The following MYO10 variants were observed in gnomAD, a reference collection of about 807,000 sequenced individuals.
The protein encoded by MYO10 is unconventional myosin-X.
In MYO10, 133 loss-of-function variants were observed where a neutral mutation model predicts 257.3. That is an observed-to-expected ratio of 0.52 (90% confidence interval 0.45 to 0.60). The LOEUF (loss-of-function observed/expected upper bound fraction) is 0.60, where lower values mean the gene tolerates loss of function less well. Among genes scored for constraint, MYO10 ranks in the 20% least tolerant of loss-of-function variants. The probability of loss-of-function intolerance (pLI) is 0.00; values close to 1 mark genes in which losing one functional copy is unlikely to be tolerated. For missense variants in MYO10, 2,399 were observed against 2,635.7 expected, an observed-to-expected ratio of 0.91 and a Z score of 1.97; for synonymous variants, 1,104 against 1,028.6, an observed-to-expected ratio of 1.07 and a Z score of -1.40.
chr5:16,895,740 T>C (rs1290637845), intron 1 of MYO10, among the ~76,000 whole-genome samples: 40 of 118,298 alleles, frequency 3.4e-4, no homozygotes, highest in African/African-American at 9.4e-4. Flanking sequence ...AGCCGCCCCC[T>C]CCCCAACACC....
intron 5 of MYO10, among the ~76,000 whole-genome samples, chr5:16,782,523 G>A (rs759109478): frequency 8.5e-5 from 13 of 152,168 alleles, no homozygotes; most frequent in African/African-American, 1.4e-4. Flanking sequence ...TAATGCCAAC[G>A]CCACTGCGCC....
Position 16,681,921 on chromosome 5 carries a change from T to C in MYO10, c.4139A>G (p.Gln1380Arg), listed in dbSNP as rs755216219. ...CACTCTGGTGTCCCCTTTGGACCTC[T>C]GCAGCAGGGTTATCCAGTGGTGCAT... ...EEMHHWITLL[Q>R]RSKGDTRVEG... Residue 1380 changes from glutamine (Q) to arginine (R), a missense_variant, in exon 31 of 41, where the codon CAG becomes CGG. By Grantham distance (43) the Gln-to-Arg change is conservative (BLOSUM62 1). Around this residue, in one of 3 missense-constraint regions of MYO10, gnomAD observed 1,820 missense variants for 1,939.4 expected, o/e 0.94. Transcript: ENST00000513610. The C allele has an allele frequency of 6.2e-7, 1 of 1,614,006 alleles. No individual in the cohort carries two copies. Among genetic ancestry groups the C allele is most frequent in the East Asian group, 2.2e-5 (1 of 44,862 alleles).
chr5:16,776,847 C>T (rs895499099), intron 9 of MYO10, among the ~76,000 whole-genome samples: 10 of 152,196 alleles, frequency 6.6e-5, no homozygotes, highest in African/African-American at 2.4e-4. Flanking sequence ...GGCCAACAAG[C>T]GAGCTCGCAG....
At chr5:16,833,989 A>G (rs1743233840) in intron 2 of MYO10, among the ~76,000 whole-genome samples, 1 of 152,092 alleles carries the variant, frequency 6.6e-6, no homozygotes, top group Non-Finnish European at 1.5e-5. Flanking sequence ...CAAAATATCA[A>G]TTATTTAATG....
chr5:16,786,818 C>A (rs754215582), intron 4 of MYO10, among the ~76,000 whole-genome samples: 3 of 151,992 alleles, frequency 2.0e-5, no homozygotes, highest in Non-Finnish European at 2.9e-5. Context: ...TTAGAATCAC[C>A]TAATAGGTCC....
At chr5:16,681,278 T>G (rs144271954) in intron 32 of MYO10, 31 bp downstream of exon 32, 1 of 1,581,108 alleles carries the variant, frequency 6.3e-7, no homozygotes, top group Non-Finnish European at 8.6e-7. Context: ...TAAGATTTGA[T>G]GCTCAGGGTT....
intron 1 of MYO10, among the ~76,000 whole-genome samples, chr5:16,910,378 G>A (rs1745627696): frequency 6.6e-6 from 1 of 152,140 alleles, no homozygotes; most frequent in Admixed American, 6.5e-5. Flanking sequence ...ACTTGCCCAA[G>A]TTTGCACAGC....
chr5:16,875,489 T>C lies in MYO10; in HGVS notation c.120+2120A>G, dbSNP rs557147069. Among the ~76,000 whole-genome samples, 3 of 152,318 alleles carry C rather than the reference T, an allele frequency of 2.0e-5. No homozygotes were observed. The South Asian group carries it at 6.2e-4, about 32-fold the overall frequency. The stretch of plus-strand genomic sequence containing the variant: ...CCCGAGACTCTGATGGAGAAGGAAC[T>C]AGACTGGGTGTTGGTGAAGTGTCCA... On this transcript the variant is annotated intron_variant, in intron 2 of 40. Transcript: ENST00000513610.
At position 16,670,508 on chromosome 5, in the gene MYO10, A is replaced by G. The variant is rs1399530945; in HGVS notation, c.5883+18T>C. 3.2e-6 allele frequency: 5 copies of G among 1,580,052 alleles called. No individual in the cohort carries two copies. Among genetic ancestry groups the G allele is most frequent in the Non-Finnish European group, 4.3e-6 (5 of 1,160,326 alleles). On this transcript the variant is annotated intron_variant, in intron 39 of 40. Coordinates refer to ENST00000513610, the MANE Select transcript of MYO10 (RefSeq NM_012334.3). ...GCCAGCACCCAGCCCACCCCAACACACGGCAGCCAGTTCTCACCTCCACAT... is the reference window on the plus strand; with the variant it reads ...GCCAGCACCCAGCCCACCCCAACACGCGGCAGCCAGTTCTCACCTCCACAT...
chr5:16,829,155 C>T (rs1743090816), intron 2 of MYO10, among the ~76,000 whole-genome samples: 1 of 152,120 alleles, frequency 6.6e-6, no homozygotes, highest in East Asian at 1.9e-4. Context: ...AGGAGGGACA[C>T]AGATGCAAGG....
intron 1 of MYO10, among the ~76,000 whole-genome samples, chr5:16,893,633 CAAAAAAAAAAA>C (rs58021066): frequency 1.7e-5 from 1 of 57,218 alleles, no homozygotes; most frequent in Non-Finnish European, 3.7e-5. Context: ...GACTCTGTCT[CAAAAAAAAAAA>C]AAAAAAAAGA....
chr5:16,668,857 C>T (rs1267247111), intron 39 of MYO10, among the ~76,000 whole-genome samples: 1 of 152,154 alleles, frequency 6.6e-6, no homozygotes, highest in Admixed American at 6.6e-5. Context: ...TTAATATCTC[C>T]AGTTCTGCCT....
At position 16,683,900 on chromosome 5, in the gene MYO10, A is replaced by G. The variant is rs746650770; in HGVS notation, c.4026T>C (p.Cys1342=). Residue 1342 remains cysteine (C), a synonymous_variant, in exon 30 of 41, where the codon TGT becomes TGC. Transcript: ENST00000513610. ...CTTACCTATCAGGGCTGTCAGAGGCACACACAGAATCAATCAGCCCCACAT... is the reference window on the plus strand; with the variant it reads ...CTTACCTATCAGGGCTGTCAGAGGCGCACACAGAATCAATCAGCCCCACAT... ...TLDVGLIDSV[C]ASDSPDRPNS... 3 of 1,613,814 alleles carry G rather than the reference A, an allele frequency of 1.9e-6. No individual in the cohort carries two copies. Among genetic ancestry groups the G allele is most frequent in the East Asian group, 4.5e-5 (2 of 44,872 alleles).
chr5:16,915,693 C>T (rs1222493867), intron 1 of MYO10, among the ~76,000 whole-genome samples: 4 of 152,316 alleles, frequency 2.6e-5, no homozygotes, highest in Middle Eastern at 3.4e-3. Context: ...CAGTGGCTCA[C>T]GCCTACAATC....
At chr5:16,849,937 C>T (rs568468601) in intron 2 of MYO10, among the ~76,000 whole-genome samples, 1 of 152,282 alleles carries the variant, frequency 6.6e-6, no homozygotes, top group South Asian at 2.1e-4. Flanking sequence ...TTAGAGCCAG[C>T]ATAATGAAAG....
At chr5:16,878,279 T>C (rs964191134) in intron 1 of MYO10, among the ~76,000 whole-genome samples, 6 of 152,172 alleles carry the variant, frequency 3.9e-5, no homozygotes, top group African/African-American at 1.4e-4. Flanking sequence ...CCAAAATCCA[T>C]GTGTAAACTG....
chr5:16,823,446 C>CGGGGGGG (rs1171973848), intron 2 of MYO10, among the ~76,000 whole-genome samples: 91 of 4,180 alleles, frequency 0.022, 23 homozygotes, highest in South Asian at 0.037. Context: ...CTCCATCTTG[C>CGGGGGGG]GCGGGGGGGG....
At chr5:16,782,493 A>G (rs532834332) in intron 5 of MYO10, among the ~76,000 whole-genome samples, 59 of 152,368 alleles carry the variant, frequency 3.9e-4, no homozygotes, top group Non-Finnish European at 6.5e-4. Flanking sequence ...CAATGGTTGC[A>G]TAACAAACAT....
At chr5:16,793,615 GC>G (rs1741837108) in intron 4 of MYO10, among the ~76,000 whole-genome samples, 1 of 152,076 alleles carries the variant, frequency 6.6e-6, no homozygotes, top group Non-Finnish European at 1.5e-5. Context: ...GAGCCATTGT[GC>G]CCAGCCAATA....
Sources: allele counts gnomAD v4.1 joint callset (sites outside exome capture counted in the v4.1 genomes callset), GRCh38; gene constraint gnomAD v4.1.1; regional missense constraint gnomAD v4.1.1; transcripts MANE v1.5; gene names NCBI Gene and HGNC (gene_info 2026-07-23, HGNC 2026-07-21).